The following LINGO2 variants were observed in gnomAD, a reference collection of about 807,000 sequenced individuals.
LINGO2 encodes leucine rich repeat and Ig domain containing 2.
LINGO2 carries 14 observed loss-of-function variants against 30.6 expected under a neutral mutation model. The observed-to-expected ratio is 0.46, with a 90% CI of 0.30 to 0.72. The LOEUF (loss-of-function observed/expected upper bound fraction) is 0.72. Ranked by LOEUF, LINGO2 falls within the 30% of genes least tolerant of loss-of-function variation. LINGO2 has a pLI of 0.07. For synonymous variants in LINGO2, 317 were observed against 288.5 expected (o/e 1.10, Z -1.00); for missense variants, 729 against 751.7 (o/e 0.97, Z 0.35).
At chr9:27,995,299 TCCA>T (rs1821603281) in intron 5 of LINGO2, among the ~76,000 whole-genome samples, 1 of 152,130 alleles carries the variant, frequency 6.6e-6, no homozygotes, top group African/African-American at 2.4e-5. Context: ...ACTGCTGAAT[TCCA>T]CCAAATATTT....
At chr9:28,948,368 G>A in the LINGO2 span, among the ~76,000 whole-genome samples, 1 of 151,968 alleles carries the variant, frequency 6.6e-6, no homozygotes, top group Non-Finnish European at 1.5e-5. Flanking sequence ...CATCACATTA[G>A]TATAAAATAT....
At chr9:28,902,265 T>G in the LINGO2 span, among the ~76,000 whole-genome samples, 1 of 152,290 alleles carries the variant, frequency 6.6e-6, no homozygotes, top group Non-Finnish European at 1.5e-5. Context: ...GGTATAGCTA[T>G]GCTTATATCA....
rs571501560 is a variant in LINGO2 at position 28,047,959 on chromosome 9, T to C, written c.-86-35554A>G. On this transcript the variant is annotated intron_variant, in intron 4 of 5. Transcript: ENST00000379992. ...ATGTGATTTTTTAGAATCAACGTAATTTCCACAAAAAATATGAAAAGTGTG... is the reference window on the plus strand; with the variant it reads ...ATGTGATTTTTTAGAATCAACGTAACTTCCACAAAAAATATGAAAAGTGTG... 3.0e-4 allele frequency among the ~76,000 whole-genome samples: 45 copies of C among 150,538 alleles called. 3 individuals carry two copies. The highest frequency in any genetic ancestry group is 3.4e-3 in the Middle Eastern group (1 of 294).
At chr9:28,517,055 C>T (rs1820645752) in intron 1 of LINGO2, among the ~76,000 whole-genome samples, 1 of 152,158 alleles carries the variant, frequency 6.6e-6, no homozygotes, top group Non-Finnish European at 1.5e-5. Context: ...CACTTAGGCC[C>T]TTCGTGCCTG....
chr9:28,030,931 C>T (rs552630090), intron 4 of LINGO2, among the ~76,000 whole-genome samples: 5 of 152,178 alleles, frequency 3.3e-5, no homozygotes, highest in Admixed American at 1.3e-4. Flanking sequence ...GCTGAACTCC[C>T]CAAGGCCACA....
intron 4 of LINGO2, among the ~76,000 whole-genome samples, chr9:28,244,305 C>T (rs1447417126): frequency 1.3e-5 from 2 of 152,116 alleles, no homozygotes; most frequent in Non-Finnish European, 1.5e-5. Context: ...GTACCAGAAT[C>T]TCTGGAACAC....
intron 1 of LINGO2, among the ~76,000 whole-genome samples, chr9:28,526,279 G>C (rs1003695285): frequency 5.9e-5 from 9 of 152,080 alleles, no homozygotes; most frequent in African/African-American, 1.7e-4. Flanking sequence ...AGAATCCTTT[G>C]AGTGCTCAGC....
At chr9:28,650,641 A>C (rs1386917710) in intron 1 of LINGO2, among the ~76,000 whole-genome samples, 13 of 151,992 alleles carry the variant, frequency 8.6e-5, no homozygotes, top group Non-Finnish European at 1.5e-4. Flanking sequence ...TGACATTTCT[A>C]TTTCATTGAC....
intron 2 of LINGO2, among the ~76,000 whole-genome samples, chr9:28,441,701 A>T (rs573569013): frequency 6.6e-6 from 1 of 152,298 alleles, no homozygotes; most frequent in Non-Finnish European, 1.5e-5. Context: ...ATAAAAATCT[A>T]CTTCTCTTAA....
At chr9:28,603,186 C>G (rs1287867208) in intron 1 of LINGO2, among the ~76,000 whole-genome samples, 1 of 152,026 alleles carries the variant, frequency 6.6e-6, no homozygotes, top group African/African-American at 2.4e-5. Context: ...CCCTGATCCT[C>G]TACAGCAAGT....
intron 1 of LINGO2, among the ~76,000 whole-genome samples, chr9:28,510,775 TTATC>T (rs1288148277): frequency 1.3e-5 from 2 of 151,852 alleles, no homozygotes; most frequent in South Asian, 2.1e-4. Context: ...TATTTAAAAA[TTATC>T]TATCTATCTA....
chr9:27,950,543 A>G (rs754063790), exon 6 of LINGO2: 2 of 1,565,948 alleles, frequency 1.3e-6, no homozygotes, highest in Admixed American at 1.8e-5. Context: ...GCCTTCTGTG[A>G]CAGCTAACAG....
intron 2 of LINGO2, among the ~76,000 whole-genome samples, chr9:28,409,662 A>C (rs1257096920): frequency 6.7e-6 from 1 of 148,652 alleles, no homozygotes; most frequent in Non-Finnish European, 1.5e-5. Context: ...TGATGTTTCG[A>C]AGTCATTGTA....
chr9:28,413,870 A>G (rs1007074125), intron 2 of LINGO2, among the ~76,000 whole-genome samples: 2 of 152,092 alleles, frequency 1.3e-5, no homozygotes, highest in Non-Finnish European at 2.9e-5. Context: ...TATTATGATG[A>G]TCAAACAGAC....
At chr9:28,539,723 T>A (rs1821592200) in intron 1 of LINGO2, among the ~76,000 whole-genome samples, 1 of 152,188 alleles carries the variant, frequency 6.6e-6, no homozygotes, top group South Asian at 2.1e-4. Context: ...AAATCAGTCA[T>A]CTTGTTTAGC....
the LINGO2 span, among the ~76,000 whole-genome samples, chr9:28,773,765 G>A: frequency 6.6e-6 from 1 of 151,940 alleles, no homozygotes; most frequent in Non-Finnish European, 1.5e-5. Context: ...TTGTGGAAAG[G>A]GTAATTCAAC....
chr9:28,016,682 T>TAAAAAAAA (rs72138034), intron 4 of LINGO2, among the ~76,000 whole-genome samples: 1 of 115,330 alleles, frequency 8.7e-6, no homozygotes, highest in African/African-American at 3.4e-5. Context: ...ATTAAACCAG[T>TAAAAAAAA]AAAAAAAAAA....
chr9:28,952,212 C>T, the LINGO2 span, among the ~76,000 whole-genome samples: 1 of 152,228 alleles, frequency 6.6e-6, no homozygotes, highest in Admixed American at 6.5e-5. Context: ...AAAGCCTCAT[C>T]TAACCTTACT....
chr9:28,530,035 T>C (rs1209852892), intron 1 of LINGO2, among the ~76,000 whole-genome samples: 1 of 151,982 alleles, frequency 6.6e-6, no homozygotes, highest in Non-Finnish European at 1.5e-5. Context: ...GAAGTAGAAG[T>C]AGGAAGTGAT....
Sources: gnomAD v4.1 joint callset for allele counts (sites outside exome capture counted in the v4.1 genomes callset) on GRCh38, gnomAD v4.1.1 for gene constraint, MANE v1.5 for transcripts, NCBI Gene and HGNC (gene_info 2026-07-23, HGNC 2026-07-21) for gene names.